Variants in ITGB4 observed in about 807,000 individuals in gnomAD.
ITGB4 encodes the protein integrin subunit beta 4, also known as integrin beta-4.
ITGB4 carries 159 observed loss-of-function variants against 207.6 expected under a neutral mutation model. The observed-to-expected ratio is 0.77, with a 90% CI of 0.67 to 0.87. The LOEUF is 0.87. Ranked by LOEUF, ITGB4 falls within the 40% of genes least tolerant of loss-of-function variation. ITGB4 has a pLI of 0.00. For missense variants in ITGB4, 2,278 were observed against 2,546.8 expected (o/e 0.89, Z 2.27); for synonymous variants, 1,020 against 1,062.7 (o/e 0.96, Z 0.78).
Position 75,756,924 on chromosome 17 carries a change from A to C in ITGB4, c.5054-19A>C. 6.2e-7 allele frequency: 1 copy of C among 1,612,294 alleles called. No individual in the cohort carries two copies. Among genetic ancestry groups the C allele is most frequent in the South Asian group, 1.1e-5 (1 of 91,058 alleles). ...GTAAAGAGGGGGCCGCAGACGCTGA[A>C]GGCATCTTCCCTGCTCAGGGCCAGC... On this transcript the variant is annotated intron_variant, in intron 37 of 39. Transcript: ENST00000200181.
chr17:75,724,603 C>A, intron 1 of ITGB4, 91 bp from the exon 2 acceptor site: 1 of 1,005,996 alleles, frequency 9.9e-7, no homozygotes, highest in Non-Finnish European at 1.6e-6. Flanking sequence ...GTGCTCAGAG[C>A]CTCAGTTCCC....
chr17:75,740,079 C>A lies in ITGB4; in HGVS notation c.2446+8C>A. On this transcript the variant is annotated splice_region_variant and intron_variant, in intron 20 of 39. Coordinates refer to ENST00000200181, the MANE Select transcript of ITGB4 (RefSeq NM_000213.5). The surrounding 1 kb of genome is among the most constrained non-coding windows in gnomAD (Gnocchi z 5.9). The stretch of plus-strand genomic sequence containing the variant: ...TCAACCCCACAGAGCTGGGTGAGGG[C>A]GGGGCTGGGCGCCACAGCTCTGGGC... 6.2e-7 allele frequency: 1 copy of A among 1,607,436 alleles called. No homozygotes were observed. The highest frequency in any genetic ancestry group is 8.5e-7 in the Non-Finnish European group (1 of 1,177,070).
intron 1 of ITGB4, among the ~76,000 whole-genome samples, chr17:75,723,522 C>T (rs2148447421): frequency 6.6e-6 from 1 of 152,360 alleles, no homozygotes; most frequent in African/African-American, 2.4e-5. Context: ...CCCACCCTTT[C>T]CCTGCTGGCT....
Position 75,740,095 on chromosome 17 carries a change from A to G in ITGB4, c.2446+24A>G, listed in dbSNP as rs1472730998. ...GGGTGAGGGCGGGGCTGGGCGCCAC[A>G]GCTCTGGGCAGTGCCCTTCGGGCCC... On this transcript the variant is annotated intron_variant, in intron 20 of 39. Coordinates refer to ENST00000200181, the MANE Select transcript of ITGB4 (RefSeq NM_000213.5). The surrounding 1 kb of genome is among the most constrained non-coding windows in gnomAD (Gnocchi z 5.9). The G allele has an allele frequency of 6.3e-7, 1 of 1,597,986 alleles. No homozygotes were observed. Among genetic ancestry groups the G allele is most frequent in the South Asian group, 1.1e-5 (1 of 89,592 alleles).
chr17:75,730,908 G>A lies in ITGB4; in HGVS notation c.1036G>A (p.Gly346Arg), dbSNP rs778405226. The A allele has an allele frequency of 3.1e-6, 5 of 1,613,732 alleles. No homozygotes were observed. In the Admixed American group the frequency reaches 6.7e-5, roughly 22 times the overall value. ...LHTYFPVSSLGVLQEDSSNIV... is the reference protein window; with the variant it reads ...LHTYFPVSSLRVLQEDSSNIV... Reference sequence around the variant, plus strand: ...CACCTATTTCCCTGTCTCCTCACTGGGGGTGCTGCAGGAGGACTCGTCCAA... The same window carrying A: ...CACCTATTTCCCTGTCTCCTCACTGAGGGTGCTGCAGGAGGACTCGTCCAA... The change falls in exon 9 of 40, where the codon GGG (glycine) becomes AGG (arginine). Residue 346 changes from glycine to arginine, a missense_variant. Physicochemically the swap from Gly to Arg is moderately radical, Grantham distance 125. Transcript: ENST00000200181.
In ITGB4 at chr17:75,748,685, C is replaced by CA. The variant is rs530440434; in HGVS notation, c.3112-148dup. 1.3e-3 allele frequency among the ~76,000 whole-genome samples: 194 copies of CA among 150,872 alleles called. 2 individuals are homozygous for CA. In the South Asian group the frequency reaches 0.037, roughly 29 times the overall value. The stretch of plus-strand genomic sequence containing the variant: ...ATTACGCCTCAAAAAAAAAAACAAA[C>CA]AAAAAAAACACAAAAACCTGAACCT... On this transcript the variant is annotated intron_variant, in intron 26 of 39. Coordinates refer to ENST00000200181, the MANE Select transcript of ITGB4 (RefSeq NM_000213.5).
Position 75,742,534 on chromosome 17 carries a change from T to C in ITGB4, c.2782+45T>C, listed in dbSNP as rs2290456. ...GTGCCACTGCCTCGCACCTCCCGCC[T>C]GTGTGGCCCTGTGACCCACCTCTGA... On this transcript the variant is annotated intron_variant, in intron 24 of 39. Coordinates refer to ENST00000200181, the MANE Select transcript of ITGB4 (RefSeq NM_000213.5). This position sits in a 1 kb window ranked among gnomAD's most constrained non-coding sequence, Gnocchi z 5.9. The C allele has an allele frequency of 0.051, 81,577 of 1,613,320 alleles. 7,699 individuals carry two copies. Among genetic ancestry groups the C allele is most frequent in the East Asian group, 0.37 (16,718 of 44,852 alleles).
At chr17:75,741,391 T>C (rs1599268538) in intron 23 of ITGB4, among the ~76,000 whole-genome samples, 1 of 151,786 alleles carries the variant, frequency 6.6e-6, no homozygotes. Flanking sequence ...GGCCAGCAGG[T>C]CACACACCTT....
chr17:75,756,352 A>T (rs949181804), intron 35 of ITGB4, 77 bp from the exon 36 acceptor site: 2 of 1,538,680 alleles, frequency 1.3e-6, no homozygotes, highest in African/African-American at 2.7e-5. Flanking sequence ...TCTCGATGGC[A>T]GCTTAGGGAC....
chr17:75,752,460 G>A lies in ITGB4; in HGVS notation c.3991G>A (p.Asp1331Asn). 9 of 1,613,536 alleles carry A rather than the reference G, an allele frequency of 5.6e-6. No individual in the cohort carries two copies. Among genetic ancestry groups the A allele is most frequent in the Non-Finnish European group, 7.6e-6 (9 of 1,180,020 alleles). The change falls in exon 32 of 40, where the codon GAC becomes AAC. Residue 1331 changes from aspartate (D) to asparagine (N), a missense_variant. Transcript: ENST00000200181. ...CTGCCCTGCAGTCCCCATCATCCCT[G>A]ACATCCCTATCGTGGACGCCCAGAG... ...KRPMSIPIIPDIPIVDAQSGE... is the reference protein window; with the variant it reads ...KRPMSIPIIPNIPIVDAQSGE...
rs2061468625 is a variant in ITGB4 at position 75,755,200 on chromosome 17, C to G, written c.4558+385C>G. On this transcript the variant is annotated intron_variant, in intron 34 of 39. Coordinates refer to ENST00000200181, the MANE Select transcript of ITGB4 (RefSeq NM_000213.5). ...TCCTGGCTGGGAGGCCAGCAGCGCC[C>G]TCCTGGGGCCCAGGTAGTACAGGGG... The G allele has an allele frequency of 3.7e-6, 6 of 1,604,326 alleles. No homozygotes were observed. In the South Asian group the frequency reaches 6.6e-5, roughly 18 times the overall value.
At chr17:75,724,173 G>A (rs533865416) in intron 1 of ITGB4, among the ~76,000 whole-genome samples, 4 of 152,308 alleles carry the variant, frequency 2.6e-5, no homozygotes, top group Admixed American at 6.5e-5. Context: ...AAGCCACTGC[G>A]GGCAGCTGTG....
At chr17:75,744,013 T>C (rs1020691666) in intron 26 of ITGB4, 152 bp downstream of exon 26, 22 of 826,514 alleles carry the variant, frequency 2.7e-5, no homozygotes, top group Middle Eastern at 3.7e-4. Flanking sequence ...GTCCACCTGC[T>C]CCTGCCACCC....
chr17:75,729,216 G>A lies in ITGB4; in HGVS notation c.567-49G>A. ...AAACGAGCCAGGGGCACTGGGGTCT[G>A]CGGCGTCTTCCCCCTGTGACACTCT... On this transcript the variant is annotated intron_variant, in intron 6 of 39. Transcript: ENST00000200181. The surrounding 1 kb of genome is among the most constrained non-coding windows in gnomAD (Gnocchi z 4.4). 1.3e-6 allele frequency: 2 copies of A among 1,588,164 alleles called. No homozygotes were observed. The highest frequency in any genetic ancestry group is 2.7e-5 in the African/African-American group (2 of 74,320).
chr17:75,727,595 C>A lies in ITGB4; in HGVS notation c.265-56C>A. On this transcript the variant is annotated intron_variant, in intron 4 of 39. Coordinates refer to ENST00000200181, the MANE Select transcript of ITGB4 (RefSeq NM_000213.5). The surrounding 1 kb of genome is among the most constrained non-coding windows in gnomAD (Gnocchi z 6.0). The stretch of plus-strand genomic sequence containing the variant: ...TAGTGCCCCTTGGCCGGGCTGGGCC[C>A]CCATCGGGCCTCCGGAGTGACCCTC... 6.3e-7 allele frequency: 1 copy of A among 1,580,378 alleles called. No homozygotes were observed.
rs540404142 is a variant in ITGB4, at chr17:75,722,276, G to A, written c.-11+664G>A. On this transcript the variant is annotated intron_variant, in intron 1 of 39. Transcript: ENST00000200181. The surrounding 1 kb of genome is among the most constrained non-coding windows in gnomAD (Gnocchi z 6.2). The stretch of plus-strand genomic sequence containing the variant: ...AACACTGCCACCTCCTGCAGCATCC[G>A]CCCTCTTTCCCATGGCTCAGCCTCT... 6.6e-6 allele frequency among the ~76,000 whole-genome samples: 1 copy of A among 152,166 alleles called. No homozygotes were observed. Among genetic ancestry groups the A allele is most frequent in the East Asian group, 1.9e-4 (1 of 5,184 alleles).
rs1313802961 is a variant in ITGB4 at position 75,750,145 on chromosome 17, G to C, written c.3351G>C (p.Leu1117Phe). The C allele has an allele frequency of 3.7e-6, 6 of 1,613,686 alleles. No homozygotes were observed. Among genetic ancestry groups the C allele is most frequent in the Non-Finnish European group, 4.2e-6 (5 of 1,180,038 alleles). The change falls in exon 28 of 40, where the codon TTG becomes TTC. Residue 1117 changes from leucine (L) to phenylalanine (F), a missense_variant. By Grantham distance (22) the Leu-to-Phe change is conservative. Coordinates refer to ENST00000200181, the MANE Select transcript of ITGB4 (RefSeq NM_000213.5). The surrounding 1 kb of genome is among the most constrained non-coding windows in gnomAD (Gnocchi z 5.5). Reference protein sequence around the residue: ...ELDRSFTSQMLSSQPPPHGDL... With the variant: ...ELDRSFTSQMFSSQPPPHGDL... Reference sequence around the variant, plus strand: ...ACCGGAGCTTCACGAGTCAGATGTTGTCATCACAGCCACCCCCTCACGGCG... The same window carrying C: ...ACCGGAGCTTCACGAGTCAGATGTTCTCATCACAGCCACCCCCTCACGGCG...
rs367826939 is a variant in ITGB4 at position 75,742,509 on chromosome 17, G to A, written c.2782+20G>A. 24 of 1,613,186 alleles carry A rather than the reference G, an allele frequency of 1.5e-5. No homozygotes were observed. The African/African-American group carries it at 2.1e-4, about 14-fold the overall frequency. ...ACCAGGGTAGGAGGGCGGGTCCGCT[G>A]TGCCACTGCCTCGCACCTCCCGCCT... On this transcript the variant is annotated intron_variant, in intron 24 of 39. Transcript: ENST00000200181. This position sits in a 1 kb window ranked among gnomAD's most constrained non-coding sequence, Gnocchi z 5.9.
At position 75,742,717 on chromosome 17, in the gene ITGB4, C is replaced by A. The variant is rs146391318; in HGVS notation, c.2918C>A (p.Thr973Asn). ...EAIDVPAGTA[T>N]LGRRLVNITI... ...ATCGACGTGCCCGCAGGCACTGCCA[C>A]CCTCGGCCGCCGCCTGGTAAACATC... Residue 973 changes from threonine (T) to asparagine (N), a missense_variant, in exon 25 of 40, where the codon ACC becomes AAC. By Grantham distance (65) the Thr-to-Asn change is moderately conservative. Transcript: ENST00000200181. This position sits in a 1 kb window ranked among gnomAD's most constrained non-coding sequence, Gnocchi z 5.9. The A allele has an allele frequency of 6.7e-4, 1,074 of 1,613,102 alleles. 1 individual carries two copies. The highest frequency in any genetic ancestry group is 8.8e-4 in the Non-Finnish European group (1,035 of 1,180,020).
Sources: gnomAD v4.1 joint callset for allele counts (sites outside exome capture counted in the v4.1 genomes callset) on GRCh38, gnomAD v4.1.1 for gene constraint, Gnocchi (gnomAD v3.1) non-coding constraint, MANE v1.5 for transcripts, NCBI Gene and HGNC (gene_info 2026-07-23, HGNC 2026-07-21) for gene names.